ADAM18: variants seen among roughly 807,000 people sequenced by gnomAD.
ADAM18 encodes the protein ADAM metallopeptidase domain 18, also known as disintegrin and metalloproteinase domain-containing protein 18.
ADAM18 carries 117 observed loss-of-function variants against 94.4 expected under a neutral mutation model. That is an observed-to-expected ratio of 1.24 (90% CI 1.07 to 1.45). The LOEUF is 1.45. Among genes scored for constraint, ADAM18 ranks in the 40% most tolerant of loss-of-function variants. ADAM18 has a pLI of 0.00. For synonymous variants in ADAM18, 327 were observed against 291.6 expected, an observed-to-expected ratio of 1.12 and a Z score of -1.24; for missense variants, 936 against 880.0, an observed-to-expected ratio of 1.06 and a Z score of -0.81.
chr8:39,729,929 G>T lies in ADAM18; in HGVS notation c.2209G>T (p.Val737Leu). ...NSSVVSESDD[V>L]GH ...ATCCGTTGTATCAGAAAGCGATGAC[G>T]TGGGACATTAATATTGCACAGAACT... Residue 737 changes from valine (V) to leucine (L), a missense_variant, in exon 20 of 20, where the codon GTG (valine) becomes TTG (leucine). By Grantham distance (32) the Val-to-Leu change is conservative. Transcript: ENST00000265707. 1.9e-6 allele frequency: 3 copies of T among 1,613,074 alleles called. No individual in the cohort carries two copies. In the South Asian group the frequency reaches 3.3e-5, roughly 18 times the overall value.
intron 18 of ADAM18, among the ~76,000 whole-genome samples, chr8:39,710,695 G>A (rs995626571): frequency 1.3e-5 from 2 of 152,088 alleles, no homozygotes; most frequent in Admixed American, 1.3e-4. Context: ...AGGAAAAAGG[G>A]AATTACTATA....
chr8:39,690,560 T>C (rs1255387619), intron 16 of ADAM18, among the ~76,000 whole-genome samples: 1 of 152,202 alleles, frequency 6.6e-6, no homozygotes, highest in East Asian at 1.9e-4. Flanking sequence ...AATTTACATT[T>C]CTACCCATTT....
chr8:39,603,131 C>A (rs552165602), intron 2 of ADAM18, among the ~76,000 whole-genome samples: 1 of 152,246 alleles, frequency 6.6e-6, no homozygotes, highest in Non-Finnish European at 1.5e-5. Context: ...AAATGACGAC[C>A]CTTTCTCCAT....
intron 7 of ADAM18, among the ~76,000 whole-genome samples, chr8:39,630,062 T>C (rs893656678): frequency 2.0e-5 from 3 of 152,030 alleles, no homozygotes; most frequent in Non-Finnish European, 2.9e-5. Flanking sequence ...AGTTTTCAAC[T>C]AATTCAGTTT....
intron 14 of ADAM18, 117 bp downstream of exon 14, chr8:39,668,313 T>A (rs1382702960): frequency 1.2e-5 from 11 of 924,612 alleles, no homozygotes; most frequent in Admixed American, 5.4e-5. Flanking sequence ...TAATAAAAAT[T>A]AAATTTTAGT....
intron 18 of ADAM18, among the ~76,000 whole-genome samples, chr8:39,717,454 T>G (rs1237879596): frequency 3.3e-5 from 5 of 151,964 alleles, no homozygotes; most frequent in Non-Finnish European, 7.4e-5. Context: ...CATTTTGCTG[T>G]TTAGCATCTT....
chr8:39,723,759 A>G lies in ADAM18; in HGVS notation c.2029A>G (p.Thr677Ala). The G allele has an allele frequency of 2.0e-6, 3 of 1,514,510 alleles. No homozygotes were observed. Among genetic ancestry groups the G allele is most frequent in the South Asian group, 1.4e-5 (1 of 70,442 alleles). 93.8% of individuals were successfully genotyped at this position (1,514,510 alleles called of 1,614,324 possible). The change falls in exon 19 of 20, where the codon ACT (threonine) becomes GCT (alanine). Residue 677 changes from threonine (T) to alanine (A), a missense_variant. Transcript: ENST00000265707. ...TGATTCATTTCTAGGTGACTTTTAT[A>G]CTGAAAAAGGCTACAATACACACTG... ...GNFQKSGDFY[T>A]EKGYNTHWNN...
At chr8:39,623,445 A>C (rs528679682) in intron 6 of ADAM18, among the ~76,000 whole-genome samples, 2 of 151,482 alleles carry the variant, frequency 1.3e-5, no homozygotes, top group East Asian at 3.9e-4. Flanking sequence ...TTAGATTCCC[A>C]CCGGCAGTAT....
At chr8:39,718,762 A>AAAT (rs142754314) in intron 18 of ADAM18, among the ~76,000 whole-genome samples, 5 of 64,324 alleles carry the variant, frequency 7.8e-5, no homozygotes, top group Non-Finnish European at 2.7e-4. Flanking sequence ...TCAGAAAATA[A>AAAT]AATACTTGCA....
chr8:39,680,175 T>C lies in ADAM18; in HGVS notation c.1770T>C (p.Asp590=), dbSNP rs747495103. 4 of 1,613,880 alleles carry C rather than the reference T, an allele frequency of 2.5e-6. No individual in the cohort carries two copies. The highest frequency in any genetic ancestry group is 3.4e-6 in the Non-Finnish European group (4 of 1,179,884). ...SIATGSSMRS[D]GTDNAYVADG... is the part of the protein sequence containing the mutation. ...CCACTGGTTCCTCCATGAGATCAGATGGAACAGACAATGCCTATGTGGCTG... is the reference window on the plus strand; with the variant it reads ...CCACTGGTTCCTCCATGAGATCAGACGGAACAGACAATGCCTATGTGGCTG... Residue 590 remains aspartate (D), a synonymous_variant, in exon 16 of 20, where the codon GAT becomes GAC. Coordinates refer to ENST00000265707, the MANE Select transcript of ADAM18 (RefSeq NM_014237.3).
chr8:39,646,980 AT>A (rs1301712851), intron 11 of ADAM18, among the ~76,000 whole-genome samples: 3 of 152,190 alleles, frequency 2.0e-5, no homozygotes, highest in East Asian at 1.9e-4. Flanking sequence ...TCTGACTGAA[AT>A]GTGAAGGGGT....
chr8:39,641,263 C>T (rs899570667), intron 10 of ADAM18, among the ~76,000 whole-genome samples: 3 of 152,032 alleles, frequency 2.0e-5, no homozygotes, highest in Non-Finnish European at 4.4e-5. Context: ...AATAGGCAAT[C>T]CTTTCCCCAC....
At chr8:39,701,103 G>A (rs1308508806) in intron 17 of ADAM18, among the ~76,000 whole-genome samples, 2 of 65,416 alleles carry the variant, frequency 3.1e-5, no homozygotes, top group Non-Finnish European at 5.6e-5. Flanking sequence ...GGGCGACAGA[G>A]CAAGACTCTG....
chr8:39,724,397 G>A (rs994169265), intron 19 of ADAM18, among the ~76,000 whole-genome samples: 3 of 151,676 alleles, frequency 2.0e-5, no homozygotes, highest in African/African-American at 7.2e-5. Context: ...TGTCTGTAGG[G>A]TCAGTATTGA....
intron 16 of ADAM18, among the ~76,000 whole-genome samples, chr8:39,685,772 A>T (rs1297845220): frequency 6.6e-6 from 1 of 152,172 alleles, no homozygotes; most frequent in Non-Finnish European, 1.5e-5. Context: ...AAACTGATTT[A>T]AAAAAGCATG....
chr8:39,623,186 T>G (rs991811120), intron 6 of ADAM18, among the ~76,000 whole-genome samples: 1 of 152,222 alleles, frequency 6.6e-6, no homozygotes, highest in East Asian at 1.9e-4. Context: ...CAAAAGACAT[T>G]ATTTCATTCT....
intron 18 of ADAM18, among the ~76,000 whole-genome samples, chr8:39,716,323 A>G (rs1283794741): frequency 6.6e-6 from 1 of 151,922 alleles, no homozygotes; most frequent in Admixed American, 6.6e-5. Flanking sequence ...ATTTTTTAAA[A>G]TGCAAGTGTT....
At position 39,667,080 on chromosome 8, in the gene ADAM18, T is replaced by A. The variant is rs1376926025; in HGVS notation, c.1327-918T>A. Among the ~76,000 whole-genome samples, 9 of 152,002 alleles carry A rather than the reference T, an allele frequency of 5.9e-5. No homozygotes were observed. In the South Asian group the frequency reaches 1.0e-3, roughly 18 times the overall value. Reference sequence around the variant, plus strand: ...AGGAGGCGTTTATGCTCTTAGATAATAATAAACATATAAAAATGAGGCCAG... The same window carrying A: ...AGGAGGCGTTTATGCTCTTAGATAAAAATAAACATATAAAAATGAGGCCAG... On this transcript the variant is annotated intron_variant, in intron 13 of 19. Transcript: ENST00000265707.
Position 39,643,493 on chromosome 8 carries a change from G to T in ADAM18, c.910-1845G>T, listed in dbSNP as rs148481772. Among the ~76,000 whole-genome samples the T allele has an allele frequency of 6.9e-3, 1,055 of 152,156 alleles. 9 individuals are homozygous for T. The highest frequency in any genetic ancestry group is 0.012 in the Non-Finnish European group (816 of 67,994). On this transcript the variant is annotated intron_variant, in intron 10 of 19. Transcript: ENST00000265707. Reference sequence around the variant, plus strand: ...TATTACTTTGGGTTTTGATATATTAGGGGGTCTGTATTAGATTTCCAGGGC... The same window carrying T: ...TATTACTTTGGGTTTTGATATATTATGGGGTCTGTATTAGATTTCCAGGGC...
Sources: allele counts gnomAD v4.1 joint callset (sites outside exome capture counted in the v4.1 genomes callset), GRCh38; gene constraint gnomAD v4.1.1; transcripts MANE v1.5; gene names NCBI Gene and HGNC (gene_info 2026-07-23, HGNC 2026-07-21).